PDE11A: variants seen among roughly 807,000 people sequenced by gnomAD.
PDE11A encodes the protein dual 3',5'-cyclic-AMP and -GMP phosphodiesterase 11A.
PDE11A carries 100 observed loss-of-function variants against 100.5 expected under a neutral mutation model. The ratio of observed to expected loss-of-function variants is 1.00; its 90% CI spans 0.85 to 1.18. PDE11A has a LOEUF of 1.18. PDE11A is among the 50% of genes most tolerant of loss of function. PDE11A has a pLI of 0.00. For synonymous variants in PDE11A, 381 were observed against 420.8 expected (o/e 0.91, Z 1.16); for missense variants, 1,141 against 1,152.6 (o/e 0.99, Z 0.15).
At chr2:177,813,593 C>T (rs1434210397) in intron 9 of PDE11A, among the ~76,000 whole-genome samples, 1 of 151,914 alleles carries the variant, frequency 6.6e-6, no homozygotes, top group East Asian at 1.9e-4. Flanking sequence ...AGAGGATGTA[C>T]CATGGAGAGA....
chr2:178,089,327 C>G (rs528622755), intron 2 of PDE11A, among the ~76,000 whole-genome samples: 7 of 152,166 alleles, frequency 4.6e-5, no homozygotes, highest in Non-Finnish European at 1.0e-4. Flanking sequence ...GAGACTACTG[C>G]AATGAGAGTT....
chr2:177,889,124 T>C (rs2084487153), intron 4 of PDE11A, among the ~76,000 whole-genome samples: 1 of 152,188 alleles, frequency 6.6e-6, no homozygotes, highest in African/African-American at 2.4e-5. Flanking sequence ...TATTTGAAAA[T>C]ATCTCTCTGC....
chr2:177,631,539 A>ATATATC (rs2079935361), intron 19 of PDE11A, among the ~76,000 whole-genome samples: 1 of 27,332 alleles, frequency 3.7e-5, no homozygotes, highest in African/African-American at 1.4e-4. Flanking sequence ...ATATATATAT[A>ATATATC]TATATATACA....
At chr2:177,761,947 C>T (rs2082176142) in intron 10 of PDE11A, among the ~76,000 whole-genome samples, 3 of 152,136 alleles carry the variant, frequency 2.0e-5, no homozygotes, top group Admixed American at 1.3e-4. Context: ...CCTACACCAA[C>T]AGAAGAGTTC....
chr2:177,957,910 C>CTTTTTTTTTT (rs748839068), intron 2 of PDE11A, among the ~76,000 whole-genome samples: 5 of 114,456 alleles, frequency 4.4e-5, no homozygotes, highest in South Asian at 3.0e-4. Flanking sequence ...TTTCCAATGC[C>CTTTTTTTTTT]TTTTTTTTGA....
chr2:178,081,656 C>A (rs183348584), intron 2 of PDE11A, among the ~76,000 whole-genome samples: 6 of 152,172 alleles, frequency 3.9e-5, no homozygotes, highest in Admixed American at 1.3e-4. Context: ...CTGACACTGA[C>A]GTTGGAGGGA....
intron 4 of PDE11A, among the ~76,000 whole-genome samples, chr2:177,884,826 G>A (rs1424128790): frequency 1.3e-5 from 2 of 152,190 alleles, no homozygotes; most frequent in Non-Finnish European, 2.9e-5. Flanking sequence ...GGTAGAAAGA[G>A]TGAGAAGGAA....
chr2:178,080,275 T>A (rs2087267247), intron 2 of PDE11A, among the ~76,000 whole-genome samples: 1 of 152,210 alleles, frequency 6.6e-6, no homozygotes, highest in Non-Finnish European at 1.5e-5. Context: ...TTTTATGGTT[T>A]TGGGTTTTAC....
chr2:177,705,858 G>A (rs1473285678), intron 13 of PDE11A, among the ~76,000 whole-genome samples: 1 of 152,168 alleles, frequency 6.6e-6, no homozygotes, highest in African/African-American at 2.4e-5. Flanking sequence ...CCCAAGAAAT[G>A]AGTATAAGAG....
At chr2:177,920,667 C>T (rs1187715220) in intron 2 of PDE11A, among the ~76,000 whole-genome samples, 2 of 151,994 alleles carry the variant, frequency 1.3e-5, no homozygotes, top group Admixed American at 1.3e-4. Flanking sequence ...CAATTCTATT[C>T]TTAGAAATTT....
At chr2:177,945,795 G>A (rs1478233618) in intron 2 of PDE11A, among the ~76,000 whole-genome samples, 26 of 146,648 alleles carry the variant, frequency 1.8e-4, no homozygotes, top group East Asian at 6.6e-4. Context: ...CAGCCCCCCC[G>A]CCCGGCCAGC....
At chr2:178,094,954 C>T (rs552107492) in intron 2 of PDE11A, among the ~76,000 whole-genome samples, 7 of 152,310 alleles carry the variant, frequency 4.6e-5, no homozygotes, top group African/African-American at 1.7e-4. Flanking sequence ...AATCACCTCC[C>T]ACCAGGTCCC....
intron 2 of PDE11A, among the ~76,000 whole-genome samples, chr2:177,939,736 T>C (rs80248726): frequency 0.075 from 11,392 of 152,274 alleles, 432 homozygotes; most frequent in South Asian, 0.1. Context: ...TGAGGGACTG[T>C]CTAGGACATG....
intron 2 of PDE11A, among the ~76,000 whole-genome samples, chr2:177,972,965 G>A (rs1291649715): frequency 6.6e-6 from 1 of 152,170 alleles, no homozygotes. Flanking sequence ...CATGAGATAG[G>A]GCCAGAGTGG....
intron 10 of PDE11A, among the ~76,000 whole-genome samples, chr2:177,734,666 A>C (rs952099374): frequency 3.3e-5 from 5 of 152,198 alleles, no homozygotes; most frequent in Non-Finnish European, 7.4e-5. Flanking sequence ...GCAAGAAACT[A>C]AAGTAAGCCT....
chr2:177,859,331 A>G (rs549869191), intron 5 of PDE11A, among the ~76,000 whole-genome samples: 2 of 152,096 alleles, frequency 1.3e-5, no homozygotes, highest in South Asian at 2.1e-4. Context: ...AAAAGGGGAA[A>G]AAAACAAAAT....
intron 18 of PDE11A, among the ~76,000 whole-genome samples, chr2:177,665,440 G>A (rs6433685): frequency 0.82 from 122,683 of 150,458 alleles, 50,700 homozygotes; most frequent in East Asian, 0.98. Context: ...CAATCATGTC[G>A]TTGCATTCCA....
In PDE11A at chr2:177,820,295, C is replaced by T. The variant is rs1379719180; in HGVS notation, c.1501G>A (p.Ala501Thr). ...ATGTGAAAACCAGATATCTGGTCTGCCTAGGAAACAAGAAAGAAGTTAATT... is the reference window on the plus strand; with the variant it reads ...ATGTGAAAACCAGATATCTGGTCTGTCTAGGAAACAAGAAAGAAGTTAATT... ...AYQDPRFDAE[A>T]DQISGFHIRS... is the part of the protein sequence containing the mutation. The change falls in exon 7 of 20, where the codon GCA becomes ACA. Residue 501 changes from alanine (A) to threonine (T), a missense_variant and splice_region_variant. Ala to Thr is a moderately conservative substitution (Grantham distance 58). Transcript: ENST00000286063. The T allele has an allele frequency of 6.4e-7, 1 of 1,551,690 alleles. No homozygotes were observed. The highest frequency in any genetic ancestry group is 8.9e-7 in the Non-Finnish European group (1 of 1,124,248).
intron 2 of PDE11A, among the ~76,000 whole-genome samples, chr2:177,913,412 C>T (rs1253874269): frequency 6.6e-6 from 1 of 152,140 alleles, no homozygotes; most frequent in Non-Finnish European, 1.5e-5. Flanking sequence ...GTTGTGTACC[C>T]TTTAAAATAA....
Sources: gnomAD v4.1 joint callset for allele counts (sites outside exome capture counted in the v4.1 genomes callset) on GRCh38, gnomAD v4.1.1 for gene constraint, MANE v1.5 for transcripts, NCBI Gene and HGNC (gene_info 2026-07-23, HGNC 2026-07-21) for gene names.